MTFR1: variants seen among roughly 807,000 people sequenced by gnomAD.
The protein encoded by MTFR1 is chondrocyte protein with a poly-proline region.
Under a neutral mutation model 38.8 loss-of-function variants are expected in MTFR1, and 28 were observed. That is an observed-to-expected ratio of 0.72 (90% CI 0.53 to 0.99). The LOEUF (loss-of-function observed/expected upper bound fraction) is 0.99, where lower values mean the gene tolerates loss of function less well. MTFR1 is among the 50% of genes least tolerant of loss of function. The pLI is 0.00. For missense variants in MTFR1, 358 were observed against 395.5 expected, an observed-to-expected ratio of 0.91 and a Z score of 0.81; for synonymous variants, 145 against 137.0, an observed-to-expected ratio of 1.06 and a Z score of -0.41.
chr8:65,707,028 C>T lies in MTFR1; in HGVS notation c.536C>T (p.Thr179Ile). ...TCTGTAGGTGACTTAGATTCTACCA[C>T]ATTTGGTACCATACCACCACACCCT... is the stretch of plus-strand genomic sequence containing the variant. ...NLTAGDLDST[T>I]FGTIPPHPPP... The change falls in exon 6 of 8, where the codon ACA becomes ATA. Residue 179 changes from threonine to isoleucine, a missense_variant. Transcript: ENST00000262146. 3 of 1,608,604 alleles carry T rather than the reference C, an allele frequency of 1.9e-6. No homozygotes were observed. The highest frequency in any genetic ancestry group is 2.2e-5 in the East Asian group (1 of 44,828).
At chr8:65,698,633 A>T (rs1805517339) in intron 4 of MTFR1, among the ~76,000 whole-genome samples, 1 of 152,038 alleles carries the variant, frequency 6.6e-6, no homozygotes, top group Non-Finnish European at 1.5e-5. Context: ...TGGTGTACAG[A>T]TTATTTCATC....
At chr8:65,714,037 T>C (rs1400662509), downstream of MTFR1, among the ~76,000 whole-genome samples, 1 of 151,718 alleles carries the variant, frequency 6.6e-6, no homozygotes, top group African/African-American at 2.4e-5. Flanking sequence ...ATTTTTATCA[T>C]TACCCGAACA....
chr8:65,651,804 T>C (rs1355927388), intron 1 of MTFR1, among the ~76,000 whole-genome samples: 3 of 152,322 alleles, frequency 2.0e-5, no homozygotes, highest in East Asian at 3.9e-4. Context: ...GGATTATGTT[T>C]TCTATTTCTG....
At chr8:65,672,442 G>A (rs562431070) in intron 2 of MTFR1, among the ~76,000 whole-genome samples, 4 of 152,106 alleles carry the variant, frequency 2.6e-5, no homozygotes, top group African/African-American at 4.8e-5. Flanking sequence ...GATATATACA[G>A]GCATAGCTTG....
chr8:65,686,308 G>A (rs1016773991), intron 3 of MTFR1, among the ~76,000 whole-genome samples: 2 of 151,988 alleles, frequency 1.3e-5, no homozygotes, highest in Non-Finnish European at 2.9e-5. Flanking sequence ...ACAGTGGCTC[G>A]CACCTGTAAT....
chr8:65,736,487 TCA>T (rs1461939095), intron 3 of MTFR1, among the ~76,000 whole-genome samples: 1 of 152,192 alleles, frequency 6.6e-6, no homozygotes, highest in Non-Finnish European at 1.5e-5. Flanking sequence ...GTGCACTGCC[TCA>T]CACCTGTAAT....
chr8:65,672,035 T>C (rs1478548163), intron 2 of MTFR1, among the ~76,000 whole-genome samples: 1 of 152,238 alleles, frequency 6.6e-6, no homozygotes, highest in African/African-American at 2.4e-5. Context: ...GATAGCACGC[T>C]TTATTTAGCT....
chr8:65,737,372 A>G (rs544744236), intron 3 of MTFR1, among the ~76,000 whole-genome samples: 2 of 152,290 alleles, frequency 1.3e-5, no homozygotes, highest in South Asian at 2.1e-4. Flanking sequence ...AATTGCCAGT[A>G]TAGCTACTGG....
Position 65,645,705 on chromosome 8 carries a change from C to CCG in MTFR1, c.-81+922_-81+923insGC, listed in dbSNP as rs1015727774. The stretch of plus-strand genomic sequence containing the variant: ...CACGCCCGGCTTTCCCCCCCCCCCC[C>CCG]CTTTGTAGAGATGGGGTCTCCTTAT... On this transcript the variant is annotated intron_variant, in intron 1 of 7. Coordinates refer to ENST00000262146, the MANE Select transcript of MTFR1 (RefSeq NM_014637.4). Among the ~76,000 whole-genome samples the CCG allele has an allele frequency of 6.6e-3, 752 of 114,184 alleles. 39 individuals are homozygous for CCG. The highest frequency in any genetic ancestry group is 0.041 in the South Asian group (79 of 1,918). The allele number at this position is 114,184 out of a possible 152,430, so 74.9% of individuals were successfully genotyped here.
At chr8:65,696,005 GAGGGTATTGTT>G (rs1805429964) in intron 4 of MTFR1, among the ~76,000 whole-genome samples, 1 of 152,174 alleles carries the variant, frequency 6.6e-6, no homozygotes, top group Admixed American at 6.5e-5. Context: ...AGACCTGGTA[GAGGGTATTGTT>G]ATGGAAGCAG....
intron 3 of MTFR1, among the ~76,000 whole-genome samples, chr8:65,740,499 CA>C (rs1253392184): frequency 1.3e-5 from 2 of 152,126 alleles, no homozygotes; most frequent in Non-Finnish European, 1.5e-5. Context: ...CTCCTGAGTT[CA>C]AGCGATTCTC....
rs777075566 is a variant in MTFR1, at chr8:65,704,902, C to T, written c.490C>T (p.Gln164Ter). Residue 164 changes from glutamine to a stop codon, truncating the protein, a stop_gained, in exon 5 of 8, where the codon CAG becomes TAG. Transcript: ENST00000262146. LOFTEE classifies it high-confidence loss of function. ...LRAQIAKIVT[Q>*]QEQQNLTAGD... ...AGCTCAGATTGCCAAAATTGTGACC[C>T]AGCAGGAGCAGCAAAATCTCACTGC... 4.4e-6 allele frequency: 7 copies of T among 1,597,786 alleles called. No individual in the cohort carries two copies. The African/African-American group carries it at 9.4e-5, about 21-fold the overall frequency.
the MTFR1 span, among the ~76,000 whole-genome samples, chr8:65,777,925 T>C: frequency 2.6e-5 from 4 of 152,226 alleles, no homozygotes; most frequent in Admixed American, 2.6e-4. Flanking sequence ...TTCCTGAATC[T>C]GTCCCTTAAT....
At chr8:65,689,645 G>T in intron 3 of MTFR1, 1 of 1,206,206 alleles carries the variant, frequency 8.3e-7, no homozygotes. Context: ...ATGTCGTGGT[G>T]TCTAAATCGT....
At chr8:65,766,936 T>C (rs777313644) in intron 3 of MTFR1, among the ~76,000 whole-genome samples, 1 of 152,158 alleles carries the variant, frequency 6.6e-6, no homozygotes, top group Non-Finnish European at 1.5e-5. Flanking sequence ...TCAATGGGTC[T>C]TGGAAAAGTA....
At chr8:65,651,692 G>A (rs755673517) in intron 1 of MTFR1, among the ~76,000 whole-genome samples, 21 of 151,812 alleles carry the variant, frequency 1.4e-4, no homozygotes, top group Non-Finnish European at 2.4e-4. Flanking sequence ...ATGTTGTCTC[G>A]GTTACTATAG....
intron 3 of MTFR1, among the ~76,000 whole-genome samples, chr8:65,766,381 G>A (rs1358953477): frequency 5.3e-5 from 8 of 152,182 alleles, no homozygotes; most frequent in Non-Finnish European, 8.8e-5. Flanking sequence ...GAATATTTGC[G>A]ACTCTTACTT....
At chr8:65,773,660 C>T (rs914944791), downstream of MTFR1, among the ~76,000 whole-genome samples, 9 of 152,146 alleles carry the variant, frequency 5.9e-5, no homozygotes, top group Non-Finnish European at 1.3e-4. Context: ...TTATTACTAA[C>T]ATTGATATGT....
chr8:65,753,117 A>G (rs1018728448), intron 3 of MTFR1, among the ~76,000 whole-genome samples: 4 of 152,168 alleles, frequency 2.6e-5, no homozygotes, highest in African/African-American at 9.7e-5. Context: ...CATCAGTTCT[A>G]TGGCAGCACT....
Sources: allele counts gnomAD v4.1 joint callset (sites outside exome capture counted in the v4.1 genomes callset), GRCh38; gene constraint gnomAD v4.1.1; transcripts MANE v1.5; gene names NCBI Gene and HGNC (gene_info 2026-07-23, HGNC 2026-07-21).